Variants in HDAC9 observed in about 807,000 individuals in gnomAD.
HDAC9 encodes histone deacetylase 9, also known as MEF-2 interacting transcription repressor (MITR) protein.
HDAC9 carries 41 observed loss-of-function variants against 139.4 expected under a neutral mutation model. The observed-to-expected ratio is 0.29, with a 90% CI of 0.23 to 0.38. The LOEUF (loss-of-function observed/expected upper bound fraction) is 0.38, where lower values mean the gene tolerates loss of function less well. HDAC9 is among the 10% of genes least tolerant of loss of function. The pLI, the probability that HDAC9 is intolerant of heterozygous loss-of-function variation, is 1.00. For missense variants in HDAC9, 1,147 were observed against 1,297.0 expected (o/e 0.88, Z 1.78); for synonymous variants, 517 against 476.2 (o/e 1.09, Z -1.12).
intron 22 of HDAC9, among the ~76,000 whole-genome samples, chr7:18,917,336 T>C (rs1391150374): frequency 6.6e-6 from 1 of 152,024 alleles, no homozygotes; most frequent in Non-Finnish European, 1.5e-5. Context: ...GGGATTTTTT[T>C]TTCAGTAAAT....
intron 1 of HDAC9, among the ~76,000 whole-genome samples, chr7:18,123,652 T>G (rs946666609): frequency 2.0e-4 from 30 of 152,176 alleles, no homozygotes; most frequent in African/African-American, 7.2e-4. Context: ...ATTTTTTCCC[T>G]AAGATGTATC....
At chr7:18,312,599 C>T (rs1799389651) in intron 1 of HDAC9, among the ~76,000 whole-genome samples, 3 of 152,058 alleles carry the variant, frequency 2.0e-5, no homozygotes, top group Admixed American at 2.0e-4. Flanking sequence ...ATTTAAATTA[C>T]ACCTAGGGTT....
At chr7:18,992,102 C>G (rs1192682833) in intron 25 of HDAC9, among the ~76,000 whole-genome samples, 1 of 152,186 alleles carries the variant, frequency 6.6e-6, no homozygotes, top group Non-Finnish European at 1.5e-5. Context: ...AATTTAGTAC[C>G]ATTTTATATA....
At chr7:18,836,391 C>A (rs1432582113) in intron 21 of HDAC9, among the ~76,000 whole-genome samples, 2 of 152,108 alleles carry the variant, frequency 1.3e-5, no homozygotes, top group Admixed American at 6.6e-5. Context: ...TACAGAATCC[C>A]TTTTTTACAT....
chr7:18,686,833 A>G (rs1421611752), intron 12 of HDAC9, among the ~76,000 whole-genome samples: 2 of 151,902 alleles, frequency 1.3e-5, no homozygotes, highest in Non-Finnish European at 2.9e-5. Context: ...AAATCCTCAT[A>G]AAATAATTCA....
chr7:18,923,030 G>T (rs1803899253), intron 22 of HDAC9, among the ~76,000 whole-genome samples: 1 of 152,002 alleles, frequency 6.6e-6, no homozygotes, highest in African/African-American at 2.4e-5. Flanking sequence ...TGGTGATAAT[G>T]ATAAAAGCTT....
chr7:18,849,287 G>A (rs1797112843), intron 21 of HDAC9, among the ~76,000 whole-genome samples: 1 of 152,124 alleles, frequency 6.6e-6, no homozygotes, highest in Non-Finnish European at 1.5e-5. Flanking sequence ...TTACATGTGA[G>A]TGGTTCTTAG....
At chr7:18,441,008 AT>A (rs1791704958) in intron 1 of HDAC9, among the ~76,000 whole-genome samples, 1 of 152,170 alleles carries the variant, frequency 6.6e-6, no homozygotes, top group East Asian at 1.9e-4. Flanking sequence ...CTAGTTCCAG[AT>A]TTATCACTGT....
At chr7:18,439,310 T>G (rs1791523386) in intron 1 of HDAC9, among the ~76,000 whole-genome samples, 1 of 152,214 alleles carries the variant, frequency 6.6e-6, no homozygotes, top group Non-Finnish European at 1.5e-5. Flanking sequence ...AAAAACGGTT[T>G]TCTATAAATA....
Position 18,454,129 on chromosome 7 carries a change from A to G in HDAC9, c.-41-42133A>G, listed in dbSNP as rs528067184. Among the ~76,000 whole-genome samples the G allele has an allele frequency of 1.1e-4, 16 of 152,264 alleles. No homozygotes were observed. In the South Asian group the frequency reaches 3.1e-3, roughly 30 times the overall value. Reference sequence around the variant, plus strand: ...TTATGGAATTACTAAAAGCCAGCTTAGATGTAACAAAAAAGATCTAGGAAT... The same window carrying G: ...TTATGGAATTACTAAAAGCCAGCTTGGATGTAACAAAAAAGATCTAGGAAT... On this transcript the variant is annotated intron_variant, in intron 1 of 3. Transcript: ENST00000413509.
intron 1 of HDAC9, among the ~76,000 whole-genome samples, chr7:18,370,794 AC>A (rs1784537855): frequency 1.3e-5 from 2 of 152,078 alleles, no homozygotes; most frequent in Non-Finnish European, 2.9e-5. Context: ...GTTGCTTAAA[AC>A]CTATAATGAG....
chr7:18,621,460 G>A (rs1311873674), intron 6 of HDAC9, among the ~76,000 whole-genome samples: 6 of 151,954 alleles, frequency 3.9e-5, no homozygotes, highest in Admixed American at 3.9e-4. Flanking sequence ...TTGAAAAATG[G>A]TAATCTTAAC....
chr7:18,954,881 G>GT (rs1783041560), intron 24 of HDAC9, among the ~76,000 whole-genome samples: 1 of 152,076 alleles, frequency 6.6e-6, no homozygotes, highest in Non-Finnish European at 1.5e-5. Flanking sequence ...CATTTATTAA[G>GT]TGCCACTTAA....
At chr7:18,660,419 T>C (rs533956258) in intron 11 of HDAC9, among the ~76,000 whole-genome samples, 29 of 152,186 alleles carry the variant, frequency 1.9e-4, no homozygotes, top group Non-Finnish European at 3.8e-4. Context: ...ACATTGACTT[T>C]GTTTTGTAAC....
At chr7:18,798,067 G>T (rs1792962119) in intron 17 of HDAC9, among the ~76,000 whole-genome samples, 1 of 151,438 alleles carries the variant, frequency 6.6e-6, no homozygotes, top group Non-Finnish European at 1.5e-5. Flanking sequence ...GCAAGACATT[G>T]TTGTTGTTTC....
chr7:18,554,338 T>C (rs1818105839), intron 2 of HDAC9, among the ~76,000 whole-genome samples: 1 of 135,136 alleles, frequency 7.4e-6, no homozygotes, highest in African/African-American at 2.8e-5. Flanking sequence ...TTTTTTTTTT[T>C]TTTTTTTTTT....
intron 1 of HDAC9, among the ~76,000 whole-genome samples, chr7:18,310,557 A>T (rs1799239298): frequency 6.6e-6 from 1 of 152,158 alleles, no homozygotes; most frequent in Non-Finnish European, 1.5e-5. Flanking sequence ...ACAAAAAATT[A>T]TGCATACACT....
rs1262991242 is a variant in HDAC9, at chr7:18,457,151, T to C, written c.-41-39111T>C. 5.3e-5 allele frequency among the ~76,000 whole-genome samples: 8 copies of C among 152,326 alleles called. No homozygotes were observed. In the East Asian group the frequency reaches 1.5e-3, roughly 29 times the overall value. ...CTCAGAGATTTTGATTAACTCAGCA[T>C]GTCCATTTCTTAACCCTTGCTAATG... On this transcript the variant is annotated intron_variant, in intron 1 of 3. Transcript: ENST00000413509.
chr7:18,955,308 A>T (rs891484753), intron 24 of HDAC9, among the ~76,000 whole-genome samples: 4 of 152,054 alleles, frequency 2.6e-5, no homozygotes, highest in Admixed American at 6.6e-5. Flanking sequence ...TCTTGTTTCC[A>T]TTGGGGCTAG....
Sources: allele counts gnomAD v4.1 joint callset (sites outside exome capture counted in the v4.1 genomes callset), GRCh38; gene constraint gnomAD v4.1.1; transcripts MANE v1.5; gene names NCBI Gene and HGNC (gene_info 2026-07-23, HGNC 2026-07-21).